Variants in MITF observed in about 807,000 individuals in gnomAD.
MITF encodes microphthalmia-associated transcription factor.
MITF carries 17 observed loss-of-function variants against 60.5 expected under a neutral mutation model. The ratio of observed to expected loss-of-function variants is 0.28; its 90% CI spans 0.19 to 0.42. The LOEUF (loss-of-function observed/expected upper bound fraction) is 0.42, where lower values mean the gene tolerates loss of function less well. Ranked by LOEUF, MITF falls within the 10% of genes least tolerant of loss-of-function variation. MITF has a pLI of 1.00. For missense variants in MITF, 622 were observed against 683.5 expected (o/e 0.91, Z 1.00); for synonymous variants, 260 against 248.5 (o/e 1.05, Z -0.43).
chr3:69,954,101 T>G (rs1282846239), intron 7 of MITF, among the ~76,000 whole-genome samples: 1 of 152,142 alleles, frequency 6.6e-6, no homozygotes, highest in Non-Finnish European at 1.5e-5. Context: ...TAATAAATGA[T>G]TGGAAAGGGA....
At chr3:69,938,499 A>G in intron 3 of MITF, 1 of 1,459,634 alleles carries the variant, frequency 6.9e-7, no homozygotes, top group Non-Finnish European at 9.0e-7. Context: ...GAGTTGGGGG[A>G]AGAAAGAATG....
chr3:69,813,069 T>C (rs576789382), intron 1 of MITF, among the ~76,000 whole-genome samples: 30 of 152,260 alleles, frequency 2.0e-4, no homozygotes, highest in Non-Finnish European at 3.4e-4. Context: ...ATTCCAATTA[T>C]ACAATTGGAA....
rs1260501820 is a variant in MITF at position 69,953,307 on chromosome 3, G to C, written c.955+1421G>C. 3.3e-5 allele frequency among the ~76,000 whole-genome samples: 5 copies of C among 152,110 alleles called. 1 individual carries two copies. The highest frequency in any genetic ancestry group is 7.4e-5 in the Non-Finnish European group (5 of 68,018). On this transcript the variant is annotated intron_variant, in intron 7 of 9. Transcript: ENST00000352241. ...GATGTGGAAAACTGAGTTGGATCTT[G>C]TCAAAAACAATAGATACCTGTAATT...
intron 1 of MITF, among the ~76,000 whole-genome samples, chr3:69,857,696 A>C (rs979504754): frequency 6.6e-6 from 1 of 152,196 alleles, no homozygotes; most frequent in African/African-American, 2.4e-5. Context: ...TAAATTAATA[A>C]ATAATTTGAG....
chr3:69,807,585 C>G (rs180724690), intron 1 of MITF, among the ~76,000 whole-genome samples: 1 of 152,298 alleles, frequency 6.6e-6, no homozygotes, highest in East Asian at 1.9e-4. Context: ...TCTTGCTTGT[C>G]TACAACAACA....
At chr3:69,807,537 A>G (rs1207027965) in intron 1 of MITF, among the ~76,000 whole-genome samples, 1 of 152,210 alleles carries the variant, frequency 6.6e-6, no homozygotes, top group Non-Finnish European at 1.5e-5. Flanking sequence ...TGGAAATGTA[A>G]TTTCATTTCT....
chr3:69,964,805 T>C, intron 9 of MITF, 42 bp from the exon 10 acceptor site: 5 of 1,602,518 alleles, frequency 3.1e-6, no homozygotes, highest in Non-Finnish European at 3.4e-6. Flanking sequence ...AAGTCCTCTG[T>C]GCTCTGCCTA....
At chr3:69,822,813 G>A (rs1462253599) in intron 1 of MITF, among the ~76,000 whole-genome samples, 3 of 151,648 alleles carry the variant, frequency 2.0e-5, no homozygotes, top group Admixed American at 1.3e-4. Context: ...TTTTCCTAAA[G>A]TCTTTTTGCC....
intron 1 of MITF, among the ~76,000 whole-genome samples, chr3:69,808,140 AATAT>A (rs1212971860): frequency 2.0e-5 from 3 of 146,812 alleles, no homozygotes; most frequent in Admixed American, 6.8e-5. Flanking sequence ...AAAATATATA[AATAT>A]ATATATAAAA....
chr3:69,943,237 A>G (rs2066012981), intron 5 of MITF, among the ~76,000 whole-genome samples: 1 of 151,856 alleles, frequency 6.6e-6, no homozygotes, highest in Non-Finnish European at 1.5e-5. Context: ...ATTCTCCACA[A>G]AAAAATCAAG....
At chr3:69,854,008 C>T (rs2063871842) in intron 1 of MITF, among the ~76,000 whole-genome samples, 3 of 151,934 alleles carry the variant, frequency 2.0e-5, no homozygotes, top group African/African-American at 7.3e-5. Flanking sequence ...CGCCACCACG[C>T]CTGGCTAATT....
intron 1 of MITF, among the ~76,000 whole-genome samples, chr3:69,862,452 G>C (rs919103412): frequency 3.9e-5 from 6 of 152,218 alleles, no homozygotes; most frequent in African/African-American, 1.4e-4. Context: ...TGAGTTTACT[G>C]GAAAGAAAAA....
chr3:69,786,408 C>A (rs2062649967), intron 1 of MITF, among the ~76,000 whole-genome samples: 1 of 152,086 alleles, frequency 6.6e-6, no homozygotes, highest in Non-Finnish European at 1.5e-5. Context: ...AGGTAAGACG[C>A]TTTTGAAGTT....
chr3:69,859,910 G>A lies in MITF; in HGVS notation c.105-19224G>A, dbSNP rs757172197. ...ATGTGGAGATTTTATTTATTGTAAA[G>A]TCATCTTGTGAATAACTTTGTCCCC... On this transcript the variant is annotated intron_variant, in intron 1 of 9. Transcript: ENST00000352241. Among the ~76,000 whole-genome samples the A allele has an allele frequency of 2.0e-5, 3 of 152,104 alleles. No homozygotes were observed. In the East Asian group the frequency reaches 5.8e-4, roughly 29 times the overall value.
intron 1 of MITF, among the ~76,000 whole-genome samples, chr3:69,869,296 A>C (rs1475345370): frequency 6.6e-6 from 1 of 152,204 alleles, no homozygotes; most frequent in Non-Finnish European, 1.5e-5. Flanking sequence ...GACCAAGCAC[A>C]TACCAGTTTC....
chr3:69,810,884 A>C (rs1473239988), intron 1 of MITF, among the ~76,000 whole-genome samples: 1 of 152,266 alleles, frequency 6.6e-6, no homozygotes, highest in East Asian at 1.9e-4. Flanking sequence ...TAGATGATCA[A>C]TAAATCATAG....
At chr3:69,821,690 T>TAAAAAAAAAAA (rs72371556) in intron 1 of MITF, among the ~76,000 whole-genome samples, 5 of 113,242 alleles carry the variant, frequency 4.4e-5, no homozygotes, top group Non-Finnish European at 7.1e-5. Flanking sequence ...AAAAAAAAAC[T>TAAAAAAAAAAA]AAAAAAAAAA....
At chr3:69,892,887 C>T (rs2064790843) in intron 2 of MITF, among the ~76,000 whole-genome samples, 1 of 152,190 alleles carries the variant, frequency 6.6e-6, no homozygotes, top group Non-Finnish European at 1.5e-5. Context: ...CTTCCTTTCT[C>T]CTTTCTTTTT....
chr3:69,755,924 C>T (rs72950028), intron 1 of MITF, among the ~76,000 whole-genome samples: 3,701 of 152,274 alleles, frequency 0.024, 160 homozygotes, highest in African/African-American at 0.085. Flanking sequence ...TGTGCTACTA[C>T]TGGTGTCATT....
Sources: allele counts gnomAD v4.1 joint callset (sites outside exome capture counted in the v4.1 genomes callset), GRCh38; gene constraint gnomAD v4.1.1; transcripts MANE v1.5; gene names NCBI Gene and HGNC (gene_info 2026-07-23, HGNC 2026-07-21).